The following COL26A1 variants were observed in gnomAD, a reference collection of about 807,000 sequenced individuals.
COL26A1 encodes the protein collagen type XXVI alpha 1 chain.
A neutral mutation model predicts 59.3 loss-of-function variants in COL26A1; 41 were observed. That is an observed-to-expected ratio of 0.69 (90% confidence interval 0.54 to 0.90). COL26A1 has a LOEUF of 0.90. COL26A1 is among the 40% of genes least tolerant of loss of function. The probability of loss-of-function intolerance (pLI) is 0.00; values close to 1 mark genes in which losing one functional copy is unlikely to be tolerated. For synonymous variants in COL26A1, 266 were observed against 256.0 expected (o/e 1.04, Z -0.37); for missense variants, 612 against 602.3 (o/e 1.02, Z -0.17).
At position 101,471,567 on chromosome 7, in the gene COL26A1, G is replaced by GTTGTTTTTT. The variant is rs1485332913; in HGVS notation, c.385+23782_385+23783insGTTTTTTTT. 4.9e-4 allele frequency among the ~76,000 whole-genome samples: 55 copies of GTTGTTTTTT among 112,414 alleles called. 2 individuals carry two copies. The highest frequency in any genetic ancestry group is 1.8e-3 in the African/African-American group (50 of 28,436). The allele number at this position is 112,414 out of a possible 152,430, so 73.7% of individuals were successfully genotyped here. A position where few individuals can be genotyped will look rare whatever the true frequency, so the allele number is the denominator to read the frequency against. ...ATAATGTTTTGTTGTTGTTGTTGTT[G>GTTGTTTTTT]TTTGTTTTTTTTTTTTTTTTTTTTT... On this transcript the variant is annotated intron_variant, in intron 3 of 12. Transcript: ENST00000313669.
chr7:101,454,917 G>T (rs1793432752), intron 3 of COL26A1, among the ~76,000 whole-genome samples: 1 of 152,012 alleles, frequency 6.6e-6, no homozygotes, highest in South Asian at 2.1e-4. Context: ...TATAAGCAAT[G>T]GTTCAGTATT....
intron 1 of COL26A1, among the ~76,000 whole-genome samples, chr7:101,385,977 T>A (rs934469015): frequency 6.6e-6 from 1 of 151,126 alleles, no homozygotes; most frequent in African/African-American, 2.4e-5. Context: ...TCCCAAAGTG[T>A]TGGGATTACA....
rs376126111 is a variant in COL26A1, at chr7:101,553,384, T to C, written c.1080+8T>C. 497 of 1,613,174 alleles carry C rather than the reference T, an allele frequency of 3.1e-4. 2 individuals carry two copies. Among genetic ancestry groups the C allele is most frequent in the Non-Finnish European group, 3.3e-4 (388 of 1,179,536 alleles). ...AAAGCCGCCACTGCAGAGGTAACCA[T>C]GGCTGCCCTTCACGTTCCCTCCCGC... On this transcript the variant is annotated splice_region_variant and intron_variant, in intron 11 of 12. Transcript: ENST00000313669.
intron 2 of COL26A1, among the ~76,000 whole-genome samples, chr7:101,430,614 T>C (rs1325904038): frequency 6.6e-6 from 1 of 151,748 alleles, no homozygotes; most frequent in Non-Finnish European, 1.5e-5. Flanking sequence ...TATGTCCATA[T>C]GTTCTTTGCT....
intron 3 of COL26A1, among the ~76,000 whole-genome samples, chr7:101,476,224 C>G (rs917422113): frequency 2.7e-4 from 41 of 151,796 alleles, no homozygotes; most frequent in Admixed American, 1.4e-3. Context: ...TCTTGAACTC[C>G]TGACCTCAGG....
At chr7:101,395,806 A>C (rs751359847) in intron 1 of COL26A1, among the ~76,000 whole-genome samples, 25 of 152,164 alleles carry the variant, frequency 1.6e-4, no homozygotes, top group Admixed American at 1.3e-4. Flanking sequence ...AAAGCAGGCC[A>C]AGGAATTGCC....
chr7:101,405,247 C>T (rs1049579006), intron 1 of COL26A1, among the ~76,000 whole-genome samples: 4 of 150,758 alleles, frequency 2.7e-5, no homozygotes. Flanking sequence ...AAAAATTATA[C>T]TTTATAATGA....
chr7:101,457,914 T>G (rs1480977018), intron 3 of COL26A1, among the ~76,000 whole-genome samples: 3 of 50,440 alleles, frequency 5.9e-5, no homozygotes, highest in Non-Finnish European at 1.5e-4. Flanking sequence ...TTTTTTTTTT[T>G]GAAATGGAGT....
At position 101,362,880 on chromosome 7, in the gene COL26A1, C is replaced by CCA. The variant is rs1790925472; in HGVS notation, c.-148_-147dup. ...GGCCCCGGAGAGGCGTGGGCGCCCCCCACACATTTCCAGCTCGCACCCGGG... is the reference window on the plus strand; with the variant it reads ...GGCCCCGGAGAGGCGTGGGCGCCCCCCACACACATTTCCAGCTCGCACCCGGG... On this transcript the variant is annotated 5_prime_UTR_variant, in exon 1 of 13. Transcript: ENST00000313669. The CCA allele has an allele frequency of 2.8e-5, 20 of 720,096 alleles. No individual in the cohort carries two copies. Among genetic ancestry groups the CCA allele is most frequent in the Non-Finnish European group, 4.1e-5 (19 of 469,000 alleles). The allele number at this position is 720,096 out of a possible 1,614,324, so 44.6% of individuals were successfully genotyped here. A position where few individuals can be genotyped will look rare whatever the true frequency, so the allele number is the denominator to read the frequency against.
intron 2 of COL26A1, among the ~76,000 whole-genome samples, chr7:101,439,382 C>A (rs1259833695): frequency 6.6e-6 from 1 of 151,642 alleles, no homozygotes; most frequent in African/African-American, 2.4e-5. Flanking sequence ...GGTGAAACCC[C>A]GTCTCTACTA....
chr7:101,412,017 C>T (rs754304648), intron 1 of COL26A1, among the ~76,000 whole-genome samples: 6 of 152,084 alleles, frequency 3.9e-5, no homozygotes, highest in Middle Eastern at 3.2e-3. Flanking sequence ...AGGGAGGGGA[C>T]GCATGAGATC....
chr7:101,514,653 A>G (rs1794991964), intron 3 of COL26A1, among the ~76,000 whole-genome samples: 1 of 151,938 alleles, frequency 6.6e-6, no homozygotes. Context: ...TGATGTCAGG[A>G]CCCCCCTCCA....
At chr7:101,418,036 C>A (rs7788624) in intron 1 of COL26A1, among the ~76,000 whole-genome samples, 119,458 of 151,918 alleles carry the variant, frequency 0.79, 47,664 homozygotes, top group Middle Eastern at 0.9. Flanking sequence ...TATATATATA[C>A]TTTTTGTAGA....
At chr7:101,471,975 C>G (rs777168625) in intron 3 of COL26A1, among the ~76,000 whole-genome samples, 4 of 152,068 alleles carry the variant, frequency 2.6e-5, no homozygotes, top group Non-Finnish European at 5.9e-5. Flanking sequence ...TTGATTTCAG[C>G]AAGAATTAAT....
At chr7:101,431,659 A>G (rs952043423) in intron 2 of COL26A1, among the ~76,000 whole-genome samples, 1 of 152,070 alleles carries the variant, frequency 6.6e-6, no homozygotes, top group Non-Finnish European at 1.5e-5. Context: ...AATTTTGTCA[A>G]ATGCCTTCTT....
At chr7:101,390,237 A>G (rs10225273) in intron 1 of COL26A1, among the ~76,000 whole-genome samples, 8,902 of 137,496 alleles carry the variant, frequency 0.065, 632 homozygotes, top group African/African-American at 0.17. Flanking sequence ...AGCTCGCTGC[A>G]ACCTGCCTTC....
intron 3 of COL26A1, among the ~76,000 whole-genome samples, chr7:101,487,927 C>A (rs1284177383): frequency 6.6e-6 from 1 of 152,058 alleles, no homozygotes; most frequent in Non-Finnish European, 1.5e-5. Context: ...CACTATATTG[C>A]CCAGGCTGGT....
At chr7:101,485,910 C>T (rs558678797) in intron 3 of COL26A1, among the ~76,000 whole-genome samples, 2 of 152,236 alleles carry the variant, frequency 1.3e-5, no homozygotes, top group East Asian at 3.9e-4. Context: ...CGATGGCTCA[C>T]ATCTGTATTC....
intron 4 of COL26A1, among the ~76,000 whole-genome samples, chr7:101,535,983 C>T (rs1436391533): frequency 6.6e-6 from 1 of 152,184 alleles, no homozygotes; most frequent in African/African-American, 2.4e-5. Flanking sequence ...CTTCTGGCCG[C>T]CCACCTGCCC....
Sources: gnomAD v4.1 joint callset for allele counts (sites outside exome capture counted in the v4.1 genomes callset) on GRCh38, gnomAD v4.1.1 for gene constraint, MANE v1.5 for transcripts, NCBI Gene and HGNC (gene_info 2026-07-23, HGNC 2026-07-21) for gene names.